The following PCDH15 variants were observed in gnomAD, a reference collection of about 807,000 sequenced individuals.
The protein encoded by PCDH15 is protocadherin-15.
In PCDH15, 129 loss-of-function variants were observed where a neutral mutation model predicts 178.5. The observed-to-expected ratio is 0.72, with a 90% CI of 0.63 to 0.84. The LOEUF is 0.84. Ranked by LOEUF, PCDH15 falls within the 40% of genes least tolerant of loss-of-function variation. The probability of loss-of-function intolerance (pLI) is 0.00; values close to 1 mark genes in which losing one functional copy is unlikely to be tolerated. For synonymous variants in PCDH15, 800 were observed against 732.0 expected, an observed-to-expected ratio of 1.09 and a Z score of -1.50; for missense variants, 2,230 against 2,099.9, an observed-to-expected ratio of 1.06 and a Z score of -1.21.
chr10:54,796,531 C>T lies in PCDH15; in HGVS notation c.-29+4394G>A, dbSNP rs145135880. The stretch of plus-strand genomic sequence containing the variant: ...TGTCTTTCTTGACCCTGTGTTTTCC[C>T]GGCCTGTCTGTCACTCTGCTTCTAC... On this transcript the variant is annotated intron_variant, in intron 1 of 37. Transcript: ENST00000644397. 2.3e-3 allele frequency among the ~76,000 whole-genome samples: 346 copies of T among 151,610 alleles called. 2 individuals carry two copies. Among genetic ancestry groups the T allele is most frequent in the African/African-American group, 6.5e-3 (269 of 41,386 alleles).
chr10:55,421,056 T>G (rs1838608460), intron 2 of PCDH15, among the ~76,000 whole-genome samples: 1 of 150,960 alleles, frequency 6.6e-6, no homozygotes, highest in African/African-American at 2.5e-5. Flanking sequence ...AAGGAAATTC[T>G]AAGACTGGCC....
At chr10:55,619,521 G>A (rs1843545539) in intron 2 of PCDH15, among the ~76,000 whole-genome samples, 1 of 151,966 alleles carries the variant, frequency 6.6e-6, no homozygotes, top group African/African-American at 2.4e-5. Flanking sequence ...TTTGGACAAA[G>A]TTTTAAACTT....
intron 2 of PCDH15, among the ~76,000 whole-genome samples, chr10:55,103,264 G>A (rs1037985144): frequency 5.3e-5 from 8 of 152,040 alleles, no homozygotes; most frequent in African/African-American, 1.9e-4. Context: ...GAACACTTCT[G>A]CCATTGTCTA....
chr10:54,872,103 T>C (rs1159093782), intron 3 of PCDH15, among the ~76,000 whole-genome samples: 2 of 152,088 alleles, frequency 1.3e-5, no homozygotes, highest in East Asian at 3.9e-4. Context: ...TTAAGTCCTT[T>C]ATCTATTTTA....
At chr10:54,162,159 G>A (rs2045778566) in intron 13 of PCDH15, among the ~76,000 whole-genome samples, 1 of 151,990 alleles carries the variant, frequency 6.6e-6, no homozygotes, top group Admixed American at 6.6e-5. Flanking sequence ...TTCATGTATT[G>A]TTTCATCATT....
intron 2 of PCDH15, among the ~76,000 whole-genome samples, chr10:55,357,919 C>G (rs896980726): frequency 6.6e-6 from 1 of 152,000 alleles, no homozygotes; most frequent in Non-Finnish European, 1.5e-5. Context: ...CTAAACATAT[C>G]ATTTATAAAC....
At chr10:55,270,964 G>T (rs776645152) in intron 1 of PCDH15, among the ~76,000 whole-genome samples, 1 of 152,078 alleles carries the variant, frequency 6.6e-6, no homozygotes, top group African/African-American at 2.4e-5. Context: ...CCATAAAAAA[G>T]AATGAAATCA....
In PCDH15 at chr10:55,364,473, A is replaced by AT. The variant is rs888364162; in HGVS notation, c.-155-197823dup. 2.8e-4 allele frequency among the ~76,000 whole-genome samples: 43 copies of AT among 151,722 alleles called. 1 individual carries two copies. Among genetic ancestry groups the AT allele is most frequent in the African/African-American group, 9.4e-4 (39 of 41,398 alleles). ...GTCATTGTTCTTTCGTATATAATGT[A>AT]TTTTTTTTCTGGATGTTTACAACAT... On this transcript the variant is annotated intron_variant, in intron 2 of 5. Transcript: ENST00000613346.
In PCDH15 at chr10:54,065,327, G is replaced by A. The variant is rs541655728; in HGVS notation, c.2220+1430C>T. On this transcript the variant is annotated intron_variant, in intron 18 of 37. Coordinates refer to ENST00000644397, the MANE Select transcript of PCDH15 (RefSeq NM_001384140.1). ...GGAGTGAAGTTTCAGTTCTCCTTATGATTGCTGGTTTAATAGCAATCTTGT... is the reference window on the plus strand; with the variant it reads ...GGAGTGAAGTTTCAGTTCTCCTTATAATTGCTGGTTTAATAGCAATCTTGT... 7.9e-5 allele frequency among the ~76,000 whole-genome samples: 12 copies of A among 152,284 alleles called. No homozygotes were observed. In the South Asian group the frequency reaches 2.3e-3, roughly 29 times the overall value.
intron 3 of PCDH15, among the ~76,000 whole-genome samples, chr10:54,489,685 T>C (rs11004337): frequency 0.13 from 20,501 of 152,188 alleles, 1,737 homozygotes; most frequent in Admixed American, 0.29. Context: ...GATTTATAAA[T>C]ATCCTTATAC....
At chr10:55,441,416 G>A (rs1263205480) in intron 2 of PCDH15, among the ~76,000 whole-genome samples, 3 of 151,800 alleles carry the variant, frequency 2.0e-5, no homozygotes, top group Non-Finnish European at 2.9e-5. Flanking sequence ...TACAGACACT[G>A]GAAATTTAAA....
intron 2 of PCDH15, among the ~76,000 whole-genome samples, chr10:54,612,610 A>G (rs554265753): frequency 2.0e-5 from 3 of 151,862 alleles, no homozygotes; most frequent in African/African-American, 7.2e-5. Flanking sequence ...TGCAGAATAT[A>G]TTGTGTGTGG....
At chr10:54,295,459 C>CAT (rs1288315011) in intron 8 of PCDH15, among the ~76,000 whole-genome samples, 2 of 152,138 alleles carry the variant, frequency 1.3e-5, no homozygotes, top group Non-Finnish European at 2.9e-5. Flanking sequence ...TGGCTCTTTG[C>CAT]AATAAATCTT....
intron 1 of PCDH15, among the ~76,000 whole-genome samples, chr10:55,222,065 C>T (rs1267526883): frequency 1.3e-5 from 2 of 150,132 alleles, no homozygotes; most frequent in African/African-American, 2.5e-5. Context: ...TTAGTAGAGA[C>T]GGGGTTTCAC....
chr10:53,832,244 G>A (rs1324941573), intron 29 of PCDH15, among the ~76,000 whole-genome samples: 1 of 151,946 alleles, frequency 6.6e-6, no homozygotes, highest in Non-Finnish European at 1.5e-5. Flanking sequence ...TCTAAATAAT[G>A]CAATTCCAAC....
intron 9 of PCDH15, among the ~76,000 whole-genome samples, chr10:54,234,332 G>A (rs982764849): frequency 1.3e-5 from 2 of 152,076 alleles, no homozygotes; most frequent in African/African-American, 2.4e-5. Context: ...CATTTACAAT[G>A]TATTGGATCA....
chr10:54,556,379 A>G (rs1411644806), intron 2 of PCDH15, among the ~76,000 whole-genome samples: 2 of 152,188 alleles, frequency 1.3e-5, no homozygotes, highest in African/African-American at 2.4e-5. Flanking sequence ...GAATCTCTCT[A>G]TAATTCTACT....
At chr10:54,350,660 G>A (rs1180722741) in intron 5 of PCDH15, among the ~76,000 whole-genome samples, 1 of 152,228 alleles carries the variant, frequency 6.6e-6, no homozygotes, top group Admixed American at 6.5e-5. Flanking sequence ...GCAGAAGAAA[G>A]TAGAAGCAGA....
Position 54,653,146 on chromosome 10 carries a change from C to T in PCDH15, c.91+11026G>A, listed in dbSNP as rs182610427. Reference sequence around the variant, plus strand: ...AGAACAGATGACTTAGATCAAGTAACTTGACTCTGATAACATATAGGTTAA... The same window carrying T: ...AGAACAGATGACTTAGATCAAGTAATTTGACTCTGATAACATATAGGTTAA... On this transcript the variant is annotated intron_variant, in intron 2 of 37. Coordinates refer to ENST00000644397, the MANE Select transcript of PCDH15 (RefSeq NM_001384140.1). Among the ~76,000 whole-genome samples, 86 of 152,228 alleles carry T rather than the reference C, an allele frequency of 5.6e-4. 3 individuals carry two copies. The highest frequency in any genetic ancestry group is 5.6e-3 in the Admixed American group (86 of 15,294).
Sources: gnomAD v4.1 joint callset for allele counts (sites outside exome capture counted in the v4.1 genomes callset) on GRCh38, gnomAD v4.1.1 for gene constraint, MANE v1.5 for transcripts, NCBI Gene and HGNC (gene_info 2026-07-23, HGNC 2026-07-21) for gene names.